Variants in DGKB observed in about 807,000 individuals in gnomAD.
DGKB encodes diacylglycerol kinase beta, also known as 90 kDa diacylglycerol kinase.
In DGKB, 67 loss-of-function variants were observed where a neutral mutation model predicts 114.3. The observed-to-expected ratio is 0.59, with a 90% CI of 0.48 to 0.72. The LOEUF is 0.72. Ranked by LOEUF, DGKB falls within the 30% of genes least tolerant of loss-of-function variation. DGKB has a pLI of 0.00. For synonymous variants in DGKB, 398 were observed against 323.1 expected (o/e 1.23, Z -2.49); for missense variants, 907 against 975.2 (o/e 0.93, Z 0.93).
chr7:14,448,736 G>A (rs1250912593), intron 21 of DGKB, among the ~76,000 whole-genome samples: 2 of 152,052 alleles, frequency 1.3e-5, no homozygotes, highest in African/African-American at 2.4e-5. Flanking sequence ...AAACGGATAC[G>A]TTAAGTAAGT....
intron 17 of DGKB, among the ~76,000 whole-genome samples, chr7:14,599,329 C>A (rs949350872): frequency 2.0e-5 from 3 of 152,192 alleles, no homozygotes; most frequent in Admixed American, 6.5e-5. Flanking sequence ...TCCTAAAACC[C>A]TCTGTGAACT....
chr7:14,767,141 T>TA (rs982615943), intron 2 of DGKB, among the ~76,000 whole-genome samples: 5 of 150,344 alleles, frequency 3.3e-5, no homozygotes, highest in Middle Eastern at 3.4e-3. Context: ...TAAATTTTTT[T>TA]AAAAAAAGAG....
chr7:14,170,893 G>C (rs181729445), intron 25 of DGKB, among the ~76,000 whole-genome samples: 1 of 152,286 alleles, frequency 6.6e-6, no homozygotes, highest in South Asian at 2.1e-4. Context: ...AAAGCAAGCA[G>C]TCAGTGTCCA....
intron 1 of DGKB, among the ~76,000 whole-genome samples, chr7:14,856,680 A>G (rs1850201450): frequency 6.6e-6 from 1 of 152,054 alleles, no homozygotes; most frequent in South Asian, 2.1e-4. Flanking sequence ...TATATATAAA[A>G]TTTATTCATC....
chr7:14,776,904 A>G (rs1284139511), intron 2 of DGKB, among the ~76,000 whole-genome samples: 2 of 152,182 alleles, frequency 1.3e-5, no homozygotes, highest in Non-Finnish European at 2.9e-5. Flanking sequence ...GAAAAGCCAC[A>G]GACACTCAAT....
At chr7:14,427,600 T>G (rs1827771602) in intron 21 of DGKB, among the ~76,000 whole-genome samples, 1 of 151,810 alleles carries the variant, frequency 6.6e-6, no homozygotes, top group Non-Finnish European at 1.5e-5. Flanking sequence ...AAAGAAAGAG[T>G]TTTCTTTACA....
intron 22 of DGKB, 22 bp downstream of exon 22, chr7:14,345,279 A>G: frequency 7.2e-7 from 1 of 1,381,284 alleles, no homozygotes; most frequent in Non-Finnish European, 1.0e-6. Context: ...ATATTACAAA[A>G]GAGAATTCAT....
At chr7:14,846,604 A>G (rs188498182) in intron 1 of DGKB, among the ~76,000 whole-genome samples, 1 of 152,198 alleles carries the variant, frequency 6.6e-6, no homozygotes, top group South Asian at 2.1e-4. Context: ...CGGTGCATTC[A>G]CAAGTTTCCT....
intron 13 of DGKB, among the ~76,000 whole-genome samples, chr7:14,649,384 C>G (rs940175956): frequency 9.9e-4 from 148 of 150,204 alleles, no homozygotes; most frequent in African/African-American, 3.3e-3. Flanking sequence ...AATTTCATAT[C>G]CAGCCAAACT....
At chr7:14,912,505 C>T (rs1383832265) in intron 1 of DGKB, among the ~76,000 whole-genome samples, 1 of 152,062 alleles carries the variant, frequency 6.6e-6, no homozygotes, top group Non-Finnish European at 1.5e-5. Flanking sequence ...TGCGCTGGAA[C>T]AAAATGAGAC....
At chr7:14,162,969 G>A (rs1000178940) in intron 25 of DGKB, among the ~76,000 whole-genome samples, 3 of 152,010 alleles carry the variant, frequency 2.0e-5, no homozygotes, top group Admixed American at 6.6e-5. Context: ...AACATACTGA[G>A]AAAATGACAG....
chr7:14,263,100 G>C (rs907294579), intron 23 of DGKB, among the ~76,000 whole-genome samples: 1 of 152,042 alleles, frequency 6.6e-6, no homozygotes, highest in Non-Finnish European at 1.5e-5. Flanking sequence ...TTTTAAAGTA[G>C]GTAGGACTAT....
At chr7:14,739,394 C>T (rs1225434911) in intron 4 of DGKB, among the ~76,000 whole-genome samples, 1 of 152,188 alleles carries the variant, frequency 6.6e-6, no homozygotes, top group Non-Finnish European at 1.5e-5. Context: ...AATTCATGCT[C>T]TATGCAGGGG....
chr7:14,858,467 G>A (rs1355377644), intron 1 of DGKB, among the ~76,000 whole-genome samples: 1 of 152,034 alleles, frequency 6.6e-6, no homozygotes, highest in African/African-American at 2.4e-5. Context: ...ATATGAAAAA[G>A]CAATGAAAGA....
At chr7:14,910,532 G>A (rs1195221068) in intron 1 of DGKB, among the ~76,000 whole-genome samples, 1 of 151,982 alleles carries the variant, frequency 6.6e-6, no homozygotes, top group African/African-American at 2.4e-5. Flanking sequence ...TTTATGTTAG[G>A]ATTTAATCTA....
At chr7:14,381,853 T>C (rs541755006) in intron 21 of DGKB, among the ~76,000 whole-genome samples, 2 of 152,274 alleles carry the variant, frequency 1.3e-5, no homozygotes, top group African/African-American at 4.8e-5. Context: ...GGAATAGTAA[T>C]GATATTTGCT....
chr7:14,945,563 T>G (rs560223655), intron 1 of DGKB, among the ~76,000 whole-genome samples: 1 of 151,876 alleles, frequency 6.6e-6, no homozygotes, highest in Admixed American at 6.6e-5. Flanking sequence ...TGTTAGCAAC[T>G]GTAGTAATTG....
chr7:14,673,602 T>A (rs905305787), intron 12 of DGKB, among the ~76,000 whole-genome samples: 1 of 152,062 alleles, frequency 6.6e-6, no homozygotes, highest in African/African-American at 2.4e-5. Flanking sequence ...TATATTGTAT[T>A]TATCAGCTCA....
At position 14,754,956 on chromosome 7, in the gene DGKB, A is replaced by G. The variant is rs563674979; in HGVS notation, c.148-1008T>C. Among the ~76,000 whole-genome samples the G allele has an allele frequency of 6.0e-3, 915 of 152,266 alleles. 12 individuals are homozygous for G. Among genetic ancestry groups the G allele is most frequent in the African/African-American group, 0.021 (855 of 41,556 alleles). Reference sequence around the variant, plus strand: ...TGAAGAGCACAGGGCATTAGCCTTAAACTGGGATTCTAGTCAATTAGGTTT... The same window carrying G: ...TGAAGAGCACAGGGCATTAGCCTTAGACTGGGATTCTAGTCAATTAGGTTT... On this transcript the variant is annotated intron_variant, in intron 3 of 25. Transcript: ENST00000402815.
Sources: gnomAD v4.1 joint callset for allele counts (sites outside exome capture counted in the v4.1 genomes callset) on GRCh38, gnomAD v4.1.1 for gene constraint, MANE v1.5 for transcripts, NCBI Gene and HGNC (gene_info 2026-07-23, HGNC 2026-07-21) for gene names.